Variants in ZNF609 observed in about 807,000 individuals in gnomAD.
ZNF609 encodes the protein zinc finger protein 609.
ZNF609 carries 11 observed loss-of-function variants against 109.5 expected under a neutral mutation model. The observed-to-expected ratio is 0.10, with a 90% confidence interval of 0.06 to 0.17. The LOEUF (loss-of-function observed/expected upper bound fraction) is 0.17, where lower values mean the gene tolerates loss of function less well. Among genes scored for constraint, ZNF609 ranks in the 10% least tolerant of loss-of-function variants. The pLI is 1.00. For synonymous variants in ZNF609, 646 were observed against 662.0 expected (o/e 0.98, Z 0.37); for missense variants, 1,559 against 1,772.4 (o/e 0.88, Z 2.16).
intron 5 of ZNF609, among the ~76,000 whole-genome samples, 171 bp downstream of exon 5, chr15:64,676,427 T>G (rs754874114): frequency 6.6e-6 from 1 of 151,140 alleles, no homozygotes; most frequent in Non-Finnish European, 1.5e-5. Context: ...TTTTATTTTA[T>G]TTTAGTATTA....
chr15:64,508,426 G>A, intron 2 of ZNF609, among the ~76,000 whole-genome samples: 1 of 152,000 alleles, frequency 6.6e-6, no homozygotes, highest in Non-Finnish European at 1.5e-5. Flanking sequence ...TTGTGAAGTG[G>A]GGAGAAAAAA....
rs193187900 is a variant in ZNF609, at chr15:64,665,499, C to G, written c.974-4847C>G. 1.8e-4 allele frequency among the ~76,000 whole-genome samples: 27 copies of G among 152,322 alleles called. No homozygotes were observed. In the East Asian group the frequency reaches 5.0e-3, roughly 28 times the overall value. On this transcript the variant is annotated intron_variant, in intron 3 of 9. Transcript: ENST00000326648. ...AGGTGCCGTGGCTCATGCCTGTAAT[C>G]CCAGCTCTTTAGGAAACCAAGGCAG...
chr15:64,484,502 C>T (rs1893302972), intron 1 of ZNF609, among the ~76,000 whole-genome samples: 3 of 151,676 alleles, frequency 2.0e-5, no homozygotes. Flanking sequence ...ATGGTGAAAC[C>T]CCGTCTCTAC....
chr15:64,600,474 A>G (rs901504410), intron 2 of ZNF609, among the ~76,000 whole-genome samples: 5 of 150,758 alleles, frequency 3.3e-5, no homozygotes, highest in Non-Finnish European at 5.9e-5. Context: ...AAAGAAAAAA[A>G]AAAACAGAAA....
chr15:64,610,620 C>T (rs1277033153), intron 2 of ZNF609, among the ~76,000 whole-genome samples: 3 of 152,056 alleles, frequency 2.0e-5, no homozygotes, highest in Non-Finnish European at 2.9e-5. Context: ...TGTAGTCCGG[C>T]CTGGGTGAAA....
chr15:64,659,590 A>G (rs929306438), intron 3 of ZNF609, among the ~76,000 whole-genome samples: 1 of 152,202 alleles, frequency 6.6e-6, no homozygotes, highest in Non-Finnish European at 1.5e-5. Flanking sequence ...CAAAACACAG[A>G]AACTCAGCAG....
intron 3 of ZNF609, among the ~76,000 whole-genome samples, chr15:64,666,783 G>T (rs1896655172): frequency 6.6e-6 from 1 of 151,896 alleles, no homozygotes; most frequent in Non-Finnish European, 1.5e-5. Context: ...CCAAAGTGCT[G>T]GGATTACAGG....
At chr15:64,636,787 T>C (rs920361104) in intron 3 of ZNF609, among the ~76,000 whole-genome samples, 2 of 152,224 alleles carry the variant, frequency 1.3e-5, no homozygotes, top group Admixed American at 6.5e-5. Flanking sequence ...GCCTGAAGTA[T>C]AGAACTGGCC....
intron 2 of ZNF609, among the ~76,000 whole-genome samples, chr15:64,533,976 G>C (rs968083942): frequency 2.7e-5 from 4 of 150,934 alleles, no homozygotes; most frequent in Non-Finnish European, 5.9e-5. Context: ...TCAAGATTTT[G>C]AACAGTTCCA....
At chr15:64,661,058 C>G (rs1162994877) in intron 3 of ZNF609, among the ~76,000 whole-genome samples, 2 of 152,042 alleles carry the variant, frequency 1.3e-5, no homozygotes, top group African/African-American at 4.8e-5. Flanking sequence ...ACCTCCTGGG[C>G]TCAAGTGATT....
Position 64,680,736 on chromosome 15 carries a change from G to A in ZNF609, c.4036G>A (p.Gly1346Arg), listed in dbSNP as rs139876697. 6.2e-6 allele frequency: 10 copies of A among 1,613,426 alleles called. No individual in the cohort carries two copies. The African/African-American group carries it at 1.2e-4, about 19-fold the overall frequency. ...CTGTAGCAGCGTCGGGGGAGCAAGT[G>A]GGGGTGAACGGAGTGTTGACCGGCC... ...GSCSSVGGAS[G>R]GERSVDRPRT... The change falls in exon 8 of 10, where the codon GGG (glycine) becomes AGG (arginine). Residue 1346 changes from glycine to arginine, a missense_variant. Gly to Arg is a moderately radical substitution (Grantham distance 125, BLOSUM62 -2). This residue lies in a region of ZNF609 where 1,204 missense variants were observed against 1,314.1 expected (regional missense o/e 0.92). Coordinates refer to ENST00000326648, the MANE Select transcript of ZNF609 (RefSeq NM_015042.2).
chr15:64,471,977 C>G (rs1893098114), intron 1 of ZNF609, among the ~76,000 whole-genome samples: 1 of 152,042 alleles, frequency 6.6e-6, no homozygotes, highest in South Asian at 2.1e-4. Context: ...ATGGCACAAT[C>G]TCAGCTAACT....
rs999833230 is a variant in ZNF609, at chr15:64,605,479, G to C, written c.748-17348G>C. 3.3e-5 allele frequency among the ~76,000 whole-genome samples: 5 copies of C among 152,276 alleles called. No homozygotes were observed. The East Asian group carries it at 9.6e-4, about 29-fold the overall frequency. On this transcript the variant is annotated intron_variant, in intron 2 of 9. Transcript: ENST00000326648. ...AATGTTGCAAGACACTAGAAAGGTG[G>C]AGTTAAGTTAACAAGATACTACCAT...
intron 2 of ZNF609, among the ~76,000 whole-genome samples, chr15:64,516,068 T>C (rs1408078056): frequency 6.6e-6 from 1 of 152,150 alleles, no homozygotes; most frequent in African/African-American, 2.4e-5. Context: ...TGAAGTGGCA[T>C]TCAGGCCAGA....
At chr15:64,610,424 C>T (rs1297644662) in intron 2 of ZNF609, among the ~76,000 whole-genome samples, 1 of 152,052 alleles carries the variant, frequency 6.6e-6, no homozygotes, top group African/African-American at 2.4e-5. Context: ...GTACAACAAA[C>T]CCCAGTGACA....
At chr15:64,528,200 C>T (rs951040815) in intron 2 of ZNF609, among the ~76,000 whole-genome samples, 4 of 151,396 alleles carry the variant, frequency 2.6e-5, no homozygotes, top group South Asian at 2.1e-4. Context: ...TGGGTTCAAG[C>T]GATTCTGCTG....
chr15:64,556,787 GT>G (rs1894595348), intron 2 of ZNF609, among the ~76,000 whole-genome samples: 1 of 151,922 alleles, frequency 6.6e-6, no homozygotes, highest in African/African-American at 2.4e-5. Context: ...CATTACCTAG[GT>G]TTATTGAGTT....
In ZNF609 at chr15:64,683,297, G is replaced by A. The variant is rs1316388695; in HGVS notation, c.*1611G>A. On this transcript the variant is annotated 3_prime_UTR_variant, in exon 10 of 10. Coordinates refer to ENST00000326648, the MANE Select transcript of ZNF609 (RefSeq NM_015042.2). ...CAAAAGTGACTAGGAGCAGGAACTT[G>A]GCTCCGACTCAGTTTGGAAAATGGG... 2 of 152,608 alleles carry A rather than the reference G, an allele frequency of 1.3e-5. No individual in the cohort carries two copies. The highest frequency in any genetic ancestry group is 2.9e-5 in the Non-Finnish European group (2 of 68,058). 9.5% of individuals were successfully genotyped at this position (152,608 alleles called of 1,614,324 possible).
chr15:64,607,828 T>C (rs1395991188), intron 2 of ZNF609, among the ~76,000 whole-genome samples: 2 of 14,858 alleles, frequency 1.3e-4, no homozygotes, highest in East Asian at 8.3e-3. Context: ...TCTTTCTTTC[T>C]TTCTTTCTTT....
Sources: gnomAD v4.1 joint callset for allele counts (sites outside exome capture counted in the v4.1 genomes callset) on GRCh38, gnomAD v4.1.1 for gene constraint, gnomAD v4.1.1 regional missense constraint, MANE v1.5 for transcripts, NCBI Gene and HGNC (gene_info 2026-07-23, HGNC 2026-07-21) for gene names.